RPGRIP1: variants seen among roughly 807,000 people sequenced by gnomAD.
RPGRIP1 encodes X-linked retinitis pigmentosa GTPase regulator-interacting protein 1.
Under a neutral mutation model 157.9 loss-of-function variants are expected in RPGRIP1, and 128 were observed. The ratio of observed to expected loss-of-function variants is 0.81; its 90% CI spans 0.70 to 0.94. The LOEUF (loss-of-function observed/expected upper bound fraction) is 0.94. Among genes scored for constraint, RPGRIP1 ranks in the 40% least tolerant of loss-of-function variants. The pLI is 0.00. For synonymous variants in RPGRIP1, 554 were observed against 571.6 expected (o/e 0.97, Z 0.44); for missense variants, 1,486 against 1,545.8 (o/e 0.96, Z 0.65).
chr14:21,308,998 A>C (rs1881435615), intron 7 of RPGRIP1, among the ~76,000 whole-genome samples: 1 of 152,222 alleles, frequency 6.6e-6, no homozygotes, highest in African/African-American at 2.4e-5. Flanking sequence ...GGACAGGAAG[A>C]CAAGGGCGGG....
chr14:21,296,083 A>C (rs1315709836), intron 3 of RPGRIP1, among the ~76,000 whole-genome samples: 3 of 147,312 alleles, frequency 2.0e-5, no homozygotes, highest in Admixed American at 1.4e-4. Flanking sequence ...CTACAGGCAC[A>C]CACCACCATG....
Position 21,301,114 on chromosome 14 carries a change from C to T in RPGRIP1, c.367C>T (p.Arg123Ter). The change falls in exon 4 of 25, where the codon CGA becomes TGA. Residue 123 changes from arginine to a stop codon, truncating the protein, a stop_gained. Coordinates refer to ENST00000400017, the MANE Select transcript of RPGRIP1 (RefSeq NM_020366.4). LOFTEE classifies it high-confidence loss of function. ...LSMHQRPQMH[R>*]LQGHFHCVGP... ...CATGCACCAGCGCCCCCAGATGCAC[C>T]GACTGCAAGGGCATTTCCACTGCGT... 6.2e-7 allele frequency: 1 copy of T among 1,609,004 alleles called. No homozygotes were observed.
intron 20 of RPGRIP1, among the ~76,000 whole-genome samples, chr14:21,334,395 T>G (rs1884113819): frequency 6.6e-6 from 1 of 152,012 alleles, no homozygotes; most frequent in Non-Finnish European, 1.5e-5. Context: ...TCTTTCCCTT[T>G]CTTTTTTTGA....
At chr14:21,317,875 C>G in intron 11 of RPGRIP1, 25 bp downstream of exon 11, 1 of 1,579,472 alleles carries the variant, frequency 6.3e-7, no homozygotes, top group Non-Finnish European at 8.6e-7. Context: ...GAAGAGCTCT[C>G]TCAAATGTGG....
At chr14:21,329,700 C>A (rs1009429485) in intron 19 of RPGRIP1, among the ~76,000 whole-genome samples, 2 of 150,902 alleles carry the variant, frequency 1.3e-5, no homozygotes, top group Non-Finnish European at 3.0e-5. Context: ...CGAGGTTTCA[C>A]CATGTTGATC....
rs577932201 is a variant in RPGRIP1, at chr14:21,325,330, C to T, written c.2314C>T (p.Gln772Ter). ...GGCGTGCAATAAACGAAAGAAAGCC[C>T]AGGTCTACCTGTCAACCGATGTGCT... Reference protein sequence around the residue: ...LQACNKRKKAQVYLSTDVLGG... With the variant: ...LQACNKRKKA The change falls in exon 16 of 25, where the codon CAG becomes TAG. Residue 772 changes from glutamine (Q) to a stop codon, truncating the protein, a stop_gained. Transcript: ENST00000400017. LOFTEE classifies it high-confidence loss of function. 6.9e-6 allele frequency: 11 copies of T among 1,605,282 alleles called. No individual in the cohort carries two copies. The highest frequency in any genetic ancestry group is 2.2e-5 in the East Asian group (1 of 44,628).
chr14:21,350,009 T>C (rs934827305), intron 24 of RPGRIP1, among the ~76,000 whole-genome samples: 2 of 152,012 alleles, frequency 1.3e-5, no homozygotes, highest in Admixed American at 6.6e-5. Flanking sequence ...CACACCCCAT[T>C]AGTGGATGTG....
intron 23 of RPGRIP1, among the ~76,000 whole-genome samples, chr14:21,345,722 A>G (rs1452207753): frequency 6.6e-6 from 1 of 151,754 alleles, no homozygotes; most frequent in Non-Finnish European, 1.5e-5. Context: ...TTATAGGTTT[A>G]GTTCATTTCT....
At position 21,301,025 on chromosome 14, in the gene RPGRIP1, A is replaced by AG; in HGVS notation, c.280dup (p.Ala94GlyfsTer85). 6.2e-7 allele frequency: 1 copy of AG among 1,612,428 alleles called. No homozygotes were observed. The highest frequency in any genetic ancestry group is 8.5e-7 in the Non-Finnish European group (1 of 1,179,362). On this transcript the variant is annotated frameshift_variant, in exon 4 of 25. Coordinates refer to ENST00000400017, the MANE Select transcript of RPGRIP1 (RefSeq NM_020366.4). LOFTEE classifies it high-confidence loss of function. ...GGCCGGGACCTGCGGGTCGCGGAGG[A>AG]GGCGGCGCCGCTCTCGGAGACCGCA... is the stretch of plus-strand genomic sequence containing the variant.
chr14:21,332,019 A>C (rs562002371), intron 20 of RPGRIP1, among the ~76,000 whole-genome samples: 245 of 149,992 alleles, frequency 1.6e-3, no homozygotes, highest in Non-Finnish European at 2.4e-3. Flanking sequence ...GCTCACTGCA[A>C]TCTCTGCCTC....
chr14:21,317,958 CT>C (rs1454239484), intron 11 of RPGRIP1, 108 bp downstream of exon 11: 1 of 952,828 alleles, frequency 1.0e-6, no homozygotes, highest in Non-Finnish European at 1.6e-6. Context: ...TGATCCTATT[CT>C]TTTGTGGGTT....
chr14:21,300,231 G>A (rs527284008), intron 3 of RPGRIP1, among the ~76,000 whole-genome samples: 141 of 152,022 alleles, frequency 9.3e-4, no homozygotes, highest in Admixed American at 3.3e-3. Flanking sequence ...CTTGAACTTG[G>A]GAGGCAGAGG....
chr14:21,293,400 C>A (rs536336363), intron 2 of RPGRIP1, among the ~76,000 whole-genome samples: 1 of 152,092 alleles, frequency 6.6e-6, no homozygotes. Context: ...TGAAGACAGT[C>A]ATGGGAACAA....
chr14:21,332,433 T>A (rs1281820933), intron 20 of RPGRIP1, among the ~76,000 whole-genome samples: 1 of 152,202 alleles, frequency 6.6e-6, no homozygotes, highest in Non-Finnish European at 1.5e-5. Context: ...CAAATTTACA[T>A]GACTGGCAAG....
intron 5 of RPGRIP1, 37 bp from the exon 6 acceptor site, chr14:21,303,294 T>C (rs1409043263): frequency 1.3e-6 from 2 of 1,496,042 alleles, no homozygotes; most frequent in African/African-American, 2.8e-5. Flanking sequence ...TCTAAACTCC[T>C]GTAACAACAG....
intron 6 of RPGRIP1, among the ~76,000 whole-genome samples, chr14:21,306,751 C>T (rs555375442): frequency 2.0e-5 from 3 of 148,170 alleles, no homozygotes; most frequent in African/African-American, 7.5e-5. Context: ...GCCACCGTGC[C>T]GGGTGTATTT....
At chr14:21,282,417 T>C (rs1185321513) in intron 1 of RPGRIP1, among the ~76,000 whole-genome samples, 3 of 151,522 alleles carry the variant, frequency 2.0e-5, no homozygotes, top group Non-Finnish European at 4.4e-5. Flanking sequence ...TTTTGTATTT[T>C]AGTAGAGACG....
chr14:21,328,231 T>C (rs1883323818), intron 18 of RPGRIP1, among the ~76,000 whole-genome samples, 193 bp from the exon 19 acceptor site: 1 of 151,988 alleles, frequency 6.6e-6, no homozygotes, highest in Non-Finnish European at 1.5e-5. Context: ...ACTTAATATA[T>C]ATCCCTCATA....
intron 22 of RPGRIP1, among the ~76,000 whole-genome samples, chr14:21,343,838 T>G (rs1414074128): frequency 6.7e-6 from 1 of 148,784 alleles, no homozygotes; most frequent in Admixed American, 6.8e-5. Context: ...TATTTCTGAG[T>G]ATTGATTTTT....
Sources: allele counts gnomAD v4.1 joint callset (sites outside exome capture counted in the v4.1 genomes callset), GRCh38; gene constraint gnomAD v4.1.1; transcripts MANE v1.5; gene names NCBI Gene and HGNC (gene_info 2026-07-23, HGNC 2026-07-21).